Variants in KLF17 observed in about 807,000 individuals in gnomAD.
KLF17 encodes Krueppel-like factor 17.
A neutral mutation model predicts 34.2 loss-of-function variants in KLF17; 31 were observed. The ratio of observed to expected loss-of-function variants is 0.91; its 90% confidence interval spans 0.68 to 1.22. KLF17 has a LOEUF of 1.22. Ranked by LOEUF, KLF17 falls within the 50% of genes most tolerant of loss-of-function variation. KLF17 has a pLI of 0.00. For missense variants in KLF17, 478 were observed against 505.2 expected (o/e 0.95, Z 0.52); for synonymous variants, 179 against 186.7 (o/e 0.96, Z 0.34).
intron 1 of KLF17, among the ~76,000 whole-genome samples, chr1:44,123,386 A>C (rs2429056): frequency 0.3 from 45,367 of 152,008 alleles, 7,626 homozygotes; most frequent in East Asian, 0.45. Context: ...CATTTTATCC[A>C]GGTTGTCCAA....
upstream of KLF17, chr1:44,117,482 TTATTTTA>T (rs1288770108): frequency 3.3e-5 from 5 of 150,184 alleles, no homozygotes; most frequent in African/African-American, 1.2e-4. Flanking sequence ...TTATTTTATT[TTATTTTA>T]TATTTTATTT....
the KLF17 span, among the ~76,000 whole-genome samples, chr1:44,069,469 C>CGAGAGA: frequency 2.5e-4 from 32 of 127,182 alleles, no homozygotes; most frequent in Middle Eastern, 3.8e-3. The surrounding 1 kb of genome is among the most constrained non-coding windows in gnomAD (Gnocchi z 4.7). Context: ...TGTTACATGG[C>CGAGAGA]GAGAGAGAGA....
chr1:44,088,986 G>A, the KLF17 span, among the ~76,000 whole-genome samples: 4 of 152,132 alleles, frequency 2.6e-5, no homozygotes, highest in Non-Finnish European at 4.4e-5. Flanking sequence ...CTAAGGAACC[G>A]ACAGGCCAAA....
the KLF17 span, among the ~76,000 whole-genome samples, chr1:44,062,715 CAAAA>C: frequency 2.5e-5 from 3 of 118,688 alleles, no homozygotes; most frequent in Non-Finnish European, 1.8e-5. Flanking sequence ...GAACCTGTCT[CAAAA>C]AAAAAAAAAA....
At chr1:44,055,270 C>T in the KLF17 span, among the ~76,000 whole-genome samples, 2 of 152,046 alleles carry the variant, frequency 1.3e-5, no homozygotes, top group Non-Finnish European at 2.9e-5. Flanking sequence ...ACACGGCAGG[C>T]AAAAATACTG....
chr1:44,055,372 TG>T, the KLF17 span, among the ~76,000 whole-genome samples: 1 of 152,190 alleles, frequency 6.6e-6, no homozygotes, highest in Non-Finnish European at 1.5e-5. Flanking sequence ...CAGGGATTGA[TG>T]GCCAGCCAAA....
At chr1:44,110,548 G>C in the KLF17 span, 2 of 151,954 alleles carry the variant, frequency 1.3e-5, no homozygotes, top group African/African-American at 4.8e-5. Context: ...GAAAAAATTA[G>C]CCTGGTGTGG....
At chr1:44,053,498 C>G in the KLF17 span, among the ~76,000 whole-genome samples, 1 of 152,138 alleles carries the variant, frequency 6.6e-6, no homozygotes, top group African/African-American at 2.4e-5. Flanking sequence ...AGAATTCCAC[C>G]TCAAAGTCAG....
rs752182180 is a variant in KLF17 at position 44,129,383 on chromosome 1, A to G, written c.112A>G (p.Met38Val). The G allele has an allele frequency of 6.6e-6, 10 of 1,520,254 alleles. No homozygotes were observed. In the Admixed American group the frequency reaches 1.1e-4, roughly 17 times the overall value. The allele number at this position is 1,520,254 out of a possible 1,614,324, so 94.2% of individuals were successfully genotyped here. Reference sequence around the variant, plus strand: ...CGAGAACTCAGCGCCCATCTTGAACATGTCTTCATCTTCTGGAAGCTCTGG... The same window carrying G: ...CGAGAACTCAGCGCCCATCTTGAACGTGTCTTCATCTTCTGGAAGCTCTGG... ...DNENSAPILN[M>V]SSSSGSSGVH... is the part of the protein sequence containing the mutation. The change falls in exon 2 of 4, where the codon ATG (methionine) becomes GTG (valine). Residue 38 changes from methionine to valine, a missense_variant. Transcript: ENST00000372299.
the KLF17 span, chr1:44,103,747 G>A: frequency 8.7e-7 from 1 of 1,152,858 alleles, no homozygotes. Context: ...TTAACTGCCA[G>A]CTCCTCAGGC....
chr1:44,134,598 A>G lies in KLF17; in HGVS notation c.*1361A>G, dbSNP rs1369426739. The G allele has an allele frequency of 1.3e-5, 2 of 152,200 alleles. No homozygotes were observed. Among genetic ancestry groups the G allele is most frequent in the Non-Finnish European group, 2.9e-5 (2 of 68,026 alleles). 9.4% of individuals were successfully genotyped at this position (152,200 alleles called of 1,614,324 possible). On this transcript the variant is annotated 3_prime_UTR_variant, in exon 4 of 4. Transcript: ENST00000372299. ...ATCCTGCCTCTGCCATTTCCTGGCT[A>G]TGAGGTGTCTTGAGAAATTTACTTG...
the KLF17 span, among the ~76,000 whole-genome samples, chr1:44,111,787 G>A: frequency 1.3e-5 from 2 of 152,250 alleles, no homozygotes; most frequent in Admixed American, 6.5e-5. Flanking sequence ...CAGCTACTCC[G>A]GAGGCTGAGA....
At chr1:44,077,729 A>G in the KLF17 span, among the ~76,000 whole-genome samples, 148,157 of 152,346 alleles carry the variant, frequency 0.97, 72,070 homozygotes, top group East Asian at 1. Context: ...AGGCCTCTAC[A>G]CAGTCAGAAT....
chr1:44,085,014 T>G, the KLF17 span, among the ~76,000 whole-genome samples: 21 of 151,782 alleles, frequency 1.4e-4, no homozygotes, highest in African/African-American at 5.1e-4. Flanking sequence ...AAAGATGAGG[T>G]ACTTGTATTT....
At chr1:44,096,709 TAAA>T in the KLF17 span, among the ~76,000 whole-genome samples, 3 of 149,626 alleles carry the variant, frequency 2.0e-5, no homozygotes, top group East Asian at 2.0e-4. Context: ...CTACGGTTTT[TAAA>T]AAAAAATTTT....
chr1:44,115,938 CT>C (rs369662227), upstream of KLF17: 13 of 152,028 alleles, frequency 8.6e-5, no homozygotes, highest in African/African-American at 3.1e-4. Flanking sequence ...AAATTTTTCA[CT>C]TTTGCCTTTC....
chr1:44,132,310 A>G (rs2088121115), intron 3 of KLF17, among the ~76,000 whole-genome samples: 1 of 152,132 alleles, frequency 6.6e-6, no homozygotes, highest in African/African-American at 2.4e-5. Flanking sequence ...TCTCAAAAAA[A>G]AAATTTTTTT....
At chr1:44,108,556 A>G in the KLF17 span, among the ~76,000 whole-genome samples, 1 of 149,088 alleles carries the variant, frequency 6.7e-6, no homozygotes, top group Admixed American at 6.7e-5. Flanking sequence ...AGACTTGGTT[A>G]GGAGCCTGGT....
At chr1:44,090,687 C>T in the KLF17 span, among the ~76,000 whole-genome samples, 6 of 152,096 alleles carry the variant, frequency 3.9e-5, no homozygotes, top group South Asian at 4.2e-4. Context: ...AAAAGGGCAG[C>T]GTAGCCTCAA....
Sources: gnomAD v4.1 joint callset for allele counts (sites outside exome capture counted in the v4.1 genomes callset) on GRCh38, gnomAD v4.1.1 for gene constraint, Gnocchi (gnomAD v3.1) non-coding constraint, MANE v1.5 for transcripts, NCBI Gene and HGNC (gene_info 2026-07-23, HGNC 2026-07-21) for gene names.